PCDH15: variants seen among roughly 807,000 people sequenced by gnomAD.
The protein encoded by PCDH15 is protocadherin-15.
PCDH15 carries 129 observed loss-of-function variants against 178.5 expected under a neutral mutation model. That is an observed-to-expected ratio of 0.72 (90% CI 0.63 to 0.84). The LOEUF (loss-of-function observed/expected upper bound fraction) is 0.84. PCDH15 is among the 40% of genes least tolerant of loss of function. The pLI is 0.00. For missense variants in PCDH15, 2,230 were observed against 2,099.9 expected, an observed-to-expected ratio of 1.06 and a Z score of -1.21; for synonymous variants, 800 against 732.0, an observed-to-expected ratio of 1.09 and a Z score of -1.50.
At chr10:55,591,544 G>C (rs1450552254) in intron 2 of PCDH15, among the ~76,000 whole-genome samples, 1 of 151,754 alleles carries the variant, frequency 6.6e-6, no homozygotes, top group Non-Finnish European at 1.5e-5. Flanking sequence ...AAAAGCAAGG[G>C]GTCAATAATT....
chr10:54,336,319 T>G (rs772230826), intron 6 of PCDH15, among the ~76,000 whole-genome samples: 10 of 152,144 alleles, frequency 6.6e-5, no homozygotes, highest in Non-Finnish European at 1.2e-4. Context: ...AGGAACCAAA[T>G]GTTAATCACC....
At chr10:55,403,323 G>A (rs926139418) in intron 2 of PCDH15, among the ~76,000 whole-genome samples, 2 of 151,646 alleles carry the variant, frequency 1.3e-5, no homozygotes, top group Admixed American at 1.3e-4. Context: ...GTTACATGTG[G>A]TCTCTTCACT....
chr10:55,121,263 CT>C (rs780287664), intron 2 of PCDH15, among the ~76,000 whole-genome samples: 1 of 151,940 alleles, frequency 6.6e-6, no homozygotes, highest in Non-Finnish European at 1.5e-5. Context: ...ATCTCTTACC[CT>C]TTGTTTTTCT....
intron 2 of PCDH15, among the ~76,000 whole-genome samples, chr10:55,378,099 T>C (rs1410788853): frequency 6.6e-6 from 1 of 151,970 alleles, no homozygotes; most frequent in Non-Finnish European, 1.5e-5. Flanking sequence ...AGGAGAAATA[T>C]CTAATGTAGA....
chr10:55,442,470 T>TATATAATATATATATAATATATATA, intron 2 of PCDH15, among the ~76,000 whole-genome samples: 1 of 124,698 alleles, frequency 8.0e-6, no homozygotes, highest in Admixed American at 8.6e-5. Context: ...TATATATATA[T>TATATAATATATATATAATATATATA]TATATATATA....
At chr10:55,028,391 C>T (rs1024869845) in intron 2 of PCDH15, among the ~76,000 whole-genome samples, 2 of 151,864 alleles carry the variant, frequency 1.3e-5, no homozygotes, top group Non-Finnish European at 2.9e-5. Flanking sequence ...AGCTCAACGA[C>T]ACGTCTAAAA....
chr10:55,463,886 AG>A (rs1839735703), intron 2 of PCDH15, among the ~76,000 whole-genome samples: 1 of 76,852 alleles, frequency 1.3e-5, no homozygotes, highest in African/African-American at 4.9e-5. Context: ...AGAGAGAAAG[AG>A]AGGGAGAGAG....
chr10:54,643,562 T>TACAA (rs1167459286), intron 2 of PCDH15, among the ~76,000 whole-genome samples: 2 of 152,152 alleles, frequency 1.3e-5, no homozygotes, highest in Non-Finnish European at 2.9e-5. Flanking sequence ...TTGCCTTTTG[T>TACAA]ACACACTTTT....
At chr10:55,505,664 C>G (rs929241719) in intron 2 of PCDH15, among the ~76,000 whole-genome samples, 1 of 151,392 alleles carries the variant, frequency 6.6e-6, no homozygotes, top group African/African-American at 2.4e-5. Flanking sequence ...TTCATTCATT[C>G]AACAAACATG....
intron 16 of PCDH15, among the ~76,000 whole-genome samples, chr10:54,080,328 T>C (rs1038495863): frequency 6.6e-6 from 1 of 152,144 alleles, no homozygotes. Flanking sequence ...TTTAAGACTT[T>C]ATTCACCCAT....
At chr10:54,249,881 GA>G (rs2056320381) in intron 8 of PCDH15, among the ~76,000 whole-genome samples, 1 of 151,924 alleles carries the variant, frequency 6.6e-6, no homozygotes, top group Non-Finnish European at 1.5e-5. Context: ...AAACTAGATT[GA>G]AAAACTATAT....
chr10:54,307,067 T>C (rs1299427288), intron 8 of PCDH15, among the ~76,000 whole-genome samples: 1 of 9,710 alleles, frequency 1.0e-4, no homozygotes, highest in Admixed American at 1.4e-3. Flanking sequence ...TATATATATA[T>C]ATATATATAT....
chr10:54,366,464 C>A (rs377253711), intron 5 of PCDH15, among the ~76,000 whole-genome samples: 2 of 152,016 alleles, frequency 1.3e-5, no homozygotes, highest in Non-Finnish European at 1.5e-5. Context: ...TGTAGATGGG[C>A]AAGATAGGGA....
chr10:54,954,074 A>G (rs568221494), intron 2 of PCDH15, among the ~76,000 whole-genome samples: 2 of 151,354 alleles, frequency 1.3e-5, no homozygotes, highest in African/African-American at 4.8e-5. Context: ...ATCATGTTTT[A>G]CAAGCACTAA....
At chr10:55,492,005 T>C (rs1445745683) in intron 2 of PCDH15, among the ~76,000 whole-genome samples, 1 of 151,582 alleles carries the variant, frequency 6.6e-6, no homozygotes, top group African/African-American at 2.4e-5. Flanking sequence ...GCCTCACTGG[T>C]CCGTGAAGTT....
At chr10:54,602,421 T>C (rs1341930094) in intron 2 of PCDH15, among the ~76,000 whole-genome samples, 1 of 152,012 alleles carries the variant, frequency 6.6e-6, no homozygotes, top group Non-Finnish European at 1.5e-5. Flanking sequence ...CCTATACACC[T>C]ATATGTCAAC....
chr10:55,366,922 C>CGTGCGTGTGTGT (rs144742474), intron 2 of PCDH15, among the ~76,000 whole-genome samples: 1 of 150,078 alleles, frequency 6.7e-6, no homozygotes, highest in Non-Finnish European at 1.5e-5. Flanking sequence ...CATTTGTTTG[C>CGTGCGTGTGTGT]GTGTGTGTGT....
At chr10:54,669,640 C>T (rs1003646712) in intron 1 of PCDH15, among the ~76,000 whole-genome samples, 1 of 147,944 alleles carries the variant, frequency 6.8e-6, no homozygotes, top group South Asian at 2.2e-4. Flanking sequence ...ACTGTGAGGT[C>T]CAACCTACCT....
intron 2 of PCDH15, among the ~76,000 whole-genome samples, chr10:54,591,381 A>G (rs867602471): frequency 3.3e-5 from 5 of 152,194 alleles, no homozygotes; most frequent in African/African-American, 1.2e-4. Flanking sequence ...CAAATGTAAC[A>G]TTGCTAGTTT....
Sources: allele counts gnomAD v4.1 joint callset (sites outside exome capture counted in the v4.1 genomes callset), GRCh38; gene constraint gnomAD v4.1.1; transcripts MANE v1.5; gene names NCBI Gene and HGNC (gene_info 2026-07-23, HGNC 2026-07-21).